The following SLC44A3 variants were observed in gnomAD, a reference collection of about 807,000 sequenced individuals.
The protein encoded by SLC44A3 is solute carrier family 44 member 3, also known as choline transporter-like protein 3.
SLC44A3 carries 74 observed loss-of-function variants against 75.4 expected under a neutral mutation model. That is an observed-to-expected ratio of 0.98 (90% CI 0.81 to 1.19). SLC44A3 has a LOEUF of 1.19. SLC44A3 is among the 50% of genes most tolerant of loss of function. The pLI is 0.00. For missense variants in SLC44A3, 700 were observed against 778.6 expected, an observed-to-expected ratio of 0.90 and a Z score of 1.20; for synonymous variants, 310 against 296.9, an observed-to-expected ratio of 1.04 and a Z score of -0.45.
intron 2 of SLC44A3, among the ~76,000 whole-genome samples, chr1:94,823,740 ATTAAATGG>A (rs1660925677): frequency 1.3e-5 from 2 of 152,248 alleles, no homozygotes; most frequent in Non-Finnish European, 2.9e-5. Context: ...AATATAGAGT[ATTAAATGG>A]TATCCTATAT....
At chr1:94,847,277 T>C (rs1287545957) in intron 9 of SLC44A3, among the ~76,000 whole-genome samples, 2 of 152,202 alleles carry the variant, frequency 1.3e-5, no homozygotes, top group Non-Finnish European at 2.9e-5. Context: ...GCTTTCTTCT[T>C]CTGCAGCCTC....
chr1:94,852,631 C>A (rs763080512), intron 9 of SLC44A3, among the ~76,000 whole-genome samples: 1 of 152,192 alleles, frequency 6.6e-6, no homozygotes. Context: ...AGAATAAAAT[C>A]TTGACCTGAC....
At chr1:94,829,458 G>T (rs1237432297) in intron 5 of SLC44A3, among the ~76,000 whole-genome samples, 1 of 152,096 alleles carries the variant, frequency 6.6e-6, no homozygotes, top group Non-Finnish European at 1.5e-5. Context: ...CACTTGGTGG[G>T]CTCCTTGCAA....
At chr1:94,879,497 A>G (rs1285692774) in intron 12 of SLC44A3, among the ~76,000 whole-genome samples, 1 of 143,370 alleles carries the variant, frequency 7.0e-6, no homozygotes, top group African/African-American at 2.6e-5. Context: ...ATGCCACTGC[A>G]CTCCAGCCTG....
At chr1:94,837,127 G>A (rs973648796) in intron 5 of SLC44A3, among the ~76,000 whole-genome samples, 3 of 152,054 alleles carry the variant, frequency 2.0e-5, no homozygotes, top group African/African-American at 7.2e-5. Flanking sequence ...ATCTAAAAAA[G>A]TCAAATTCAT....
chr1:94,828,732 A>T (rs1661717337), intron 5 of SLC44A3, 146 bp downstream of exon 5: 1 of 619,368 alleles, frequency 1.6e-6, no homozygotes. Flanking sequence ...GAGGCCAGCG[A>T]TAAAAACATG....
chr1:94,828,852 C>A (rs1661728613), intron 5 of SLC44A3, among the ~76,000 whole-genome samples: 1 of 152,168 alleles, frequency 6.6e-6, no homozygotes, highest in African/African-American at 2.4e-5. Flanking sequence ...AACACTAGAG[C>A]TAGCAAGAAG....
chr1:94,880,846 T>A (rs1668880399), intron 12 of SLC44A3, among the ~76,000 whole-genome samples: 1 of 151,286 alleles, frequency 6.6e-6, no homozygotes, highest in South Asian at 2.1e-4. Context: ...ACTACTGAAC[T>A]CTACAGTTAA....
At chr1:94,833,026 C>A (rs1432829318) in intron 5 of SLC44A3, among the ~76,000 whole-genome samples, 1 of 151,492 alleles carries the variant, frequency 6.6e-6, no homozygotes, top group African/African-American at 2.4e-5. Flanking sequence ...CTCACTTGAT[C>A]GGAGGTTCAA....
chr1:94,827,511 G>T lies in SLC44A3; in HGVS notation c.283G>T (p.Val95Leu). The change falls in exon 4 of 15, where the codon GTG becomes TTG. Residue 95 changes from valine to leucine, a missense_variant. Transcript: ENST00000271227. ...SGQDMTLKKH[V>L]FFMNSCNLEV... The stretch of plus-strand genomic sequence containing the variant: ...TCTGTTTCATCTATTTCCTAGACAC[G>T]TGTTCTTTATGAATTCCTGCAACCT... 1.2e-6 allele frequency: 2 copies of T among 1,614,174 alleles called. No individual in the cohort carries two copies. The highest frequency in any genetic ancestry group is 2.2e-5 in the East Asian group (1 of 44,884).
rs536087674 is a variant in SLC44A3 at position 94,835,750 on chromosome 1, A to G, written c.510-1961A>G. On this transcript the variant is annotated intron_variant, in intron 5 of 14. Coordinates refer to ENST00000271227, the MANE Select transcript of SLC44A3 (RefSeq NM_001114106.3). ...TTATTATCTTTGAGCTCAGCCGCAA[A>G]TTCCATTTAAACTTCCTATGATATT... Among the ~76,000 whole-genome samples, 32 of 152,296 alleles carry G rather than the reference A, an allele frequency of 2.1e-4. No homozygotes were observed. In the South Asian group the frequency reaches 3.1e-3, roughly 15 times the overall value.
chr1:94,864,606 G>A, intron 10 of SLC44A3, 137 bp from the exon 11 acceptor site: 2 of 735,990 alleles, frequency 2.7e-6, no homozygotes, highest in Non-Finnish European at 4.3e-6. Context: ...AAGCTACCAA[G>A]GAGTATAAAA....
In SLC44A3 at chr1:94,864,864, A is replaced by G. The variant is rs1476072742; in HGVS notation, c.1360A>G (p.Ile454Val). The change falls in exon 11 of 15, where the codon ATT (isoleucine) becomes GTT (valine). Residue 454 changes from isoleucine to valine, a missense_variant. Ile to Val is a conservative substitution (Grantham distance 29). Transcript: ENST00000271227. ...CTCTGTGGTGAGGATTCCGAGAATCATTGTCATGTACATGCAAAACGCACT... is the reference window on the plus strand; with the variant it reads ...CTCTGTGGTGAGGATTCCGAGAATCGTTGTCATGTACATGCAAAACGCACT... ...LISVVRIPRI[I>V]VMYMQNALKE... 1 of 1,613,926 alleles carries G rather than the reference A, an allele frequency of 6.2e-7. No homozygotes were observed. Among genetic ancestry groups the G allele is most frequent in the South Asian group, 1.1e-5 (1 of 91,084 alleles).
Position 94,892,480 on chromosome 1 carries a change from C to A in SLC44A3, c.1820C>A (p.Ser607Ter). 1 of 1,614,146 alleles carries A rather than the reference C, an allele frequency of 6.2e-7. No homozygotes were observed. The highest frequency in any genetic ancestry group is 8.5e-7 in the Non-Finnish European group (1 of 1,180,040). Residue 607 changes from serine to a stop codon, truncating the protein, a stop_gained, in exon 14 of 15, where the codon TCG becomes TAG. Coordinates refer to ENST00000271227, the MANE Select transcript of SLC44A3 (RefSeq NM_001114106.3). LOFTEE classifies it low-confidence loss of function (END_TRUNC). ...FAVDLETNDG[S>*]SEKPYFMDQE... The stretch of plus-strand genomic sequence containing the variant: ...GTTGATCTGGAAACAAATGATGGAT[C>A]GTCAGAAAAGCCCTACTTTATGGAT...
intron 12 of SLC44A3, among the ~76,000 whole-genome samples, chr1:94,869,397 G>T (rs1667517449): frequency 6.6e-6 from 1 of 152,178 alleles, no homozygotes. Flanking sequence ...GTGAGTCAGT[G>T]GTGCAAACAG....
chr1:94,840,954 G>T (rs1039755426), intron 7 of SLC44A3, among the ~76,000 whole-genome samples: 32 of 152,214 alleles, frequency 2.1e-4, no homozygotes, highest in African/African-American at 7.2e-4. Flanking sequence ...CTGGTGTGGG[G>T]TACAATCAGG....
intron 11 of SLC44A3, among the ~76,000 whole-genome samples, chr1:94,865,545 CCTA>C (rs752676432): frequency 6.6e-6 from 1 of 152,150 alleles, no homozygotes; most frequent in Non-Finnish European, 1.5e-5. Context: ...GATTTCTCCT[CCTA>C]GTTTTTATTT....
intron 5 of SLC44A3, among the ~76,000 whole-genome samples, chr1:94,831,676 T>A (rs1320460398): frequency 1.3e-5 from 2 of 152,234 alleles, no homozygotes; most frequent in East Asian, 1.9e-4. Context: ...CGTGGATATT[T>A]TCCCCCCAGT....
chr1:94,823,812 T>C (rs1204892793), intron 2 of SLC44A3, among the ~76,000 whole-genome samples: 1 of 152,198 alleles, frequency 6.6e-6, no homozygotes, highest in Non-Finnish European at 1.5e-5. Flanking sequence ...AAGATACATA[T>C]TCAATCTTGG....
Sources: gnomAD v4.1 joint callset for allele counts (sites outside exome capture counted in the v4.1 genomes callset) on GRCh38, gnomAD v4.1.1 for gene constraint, MANE v1.5 for transcripts, NCBI Gene and HGNC (gene_info 2026-07-23, HGNC 2026-07-21) for gene names.